The following AFG1L variants were observed in gnomAD, a reference collection of about 807,000 sequenced individuals.
The protein encoded by AFG1L is AFG1 like ATPase, also known as AFG1-like ATPase.
A neutral mutation model predicts 62.2 loss-of-function variants in AFG1L; 53 were observed. That is an observed-to-expected ratio of 0.85 (90% confidence interval 0.68 to 1.07). AFG1L has a LOEUF of 1.07. Ranked by LOEUF, AFG1L falls within the 50% of genes least tolerant of loss-of-function variation. AFG1L has a pLI of 0.00. For missense variants in AFG1L, 555 were observed against 590.5 expected, an observed-to-expected ratio of 0.94 and a Z score of 0.62; for synonymous variants, 228 against 210.3, an observed-to-expected ratio of 1.08 and a Z score of -0.73.
At position 108,356,811 on chromosome 6, in the gene AFG1L, T is replaced by C; in HGVS notation, c.639T>C (p.Asp213=). ...ISEEACLLCF[D]EFQVTDIADA... ...AAGAAGCATGTCTCCTATGTTTTGA[T>C]GAATTTCAGGTAAAGTAGAGATTTT... Residue 213 remains aspartate (D), a synonymous_variant, in exon 5 of 13, where the codon GAT becomes GAC. Transcript: ENST00000368977. 1.2e-6 allele frequency: 2 copies of C among 1,611,634 alleles called. No individual in the cohort carries two copies. Among genetic ancestry groups the C allele is most frequent in the Non-Finnish European group, 1.7e-6 (2 of 1,179,108 alleles).
In AFG1L at chr6:108,525,940, G is replaced by A. The variant is rs1007190024; in HGVS notation, c.*3515G>A. 6.6e-6 allele frequency: 1 copy of A among 152,224 alleles called. No individual in the cohort carries two copies. Among genetic ancestry groups the A allele is most frequent in the Admixed American group, 6.5e-5 (1 of 15,286 alleles). The allele number at this position is 152,224 out of a possible 1,614,324, so 9.4% of individuals were successfully genotyped here. On this transcript the variant is annotated 3_prime_UTR_variant, in exon 13 of 13. Transcript: ENST00000368977. ...GACATTTGGGTTCTTGATCAGTTAC[G>A]GGAATCTGTCTTGCAGCAAGTCTGT...
intron 3 of AFG1L, among the ~76,000 whole-genome samples, chr6:108,351,331 C>T (rs774032344): frequency 9.2e-5 from 14 of 152,188 alleles, no homozygotes; most frequent in Non-Finnish European, 1.9e-4. Context: ...TTTGGGACCA[C>T]CATTGTGTAT....
chr6:108,517,638 C>A (rs1392913770), intron 11 of AFG1L, among the ~76,000 whole-genome samples: 2 of 152,092 alleles, frequency 1.3e-5, no homozygotes, highest in Non-Finnish European at 2.9e-5. Flanking sequence ...GCAACAAAAG[C>A]CAAAATTGAC....
chr6:108,312,722 A>G (rs1777459627), intron 1 of AFG1L, among the ~76,000 whole-genome samples: 1 of 152,152 alleles, frequency 6.6e-6, no homozygotes, highest in Non-Finnish European at 1.5e-5. Context: ...GACATATGTC[A>G]AGATTAAGAT....
chr6:108,328,301 A>C (rs2114328270), intron 2 of AFG1L, among the ~76,000 whole-genome samples: 1 of 152,322 alleles, frequency 6.6e-6, no homozygotes, highest in East Asian at 1.9e-4. Flanking sequence ...TGTTGTACTC[A>C]ACTGGATATT....
intron 7 of AFG1L, among the ~76,000 whole-genome samples, chr6:108,405,793 C>G (rs1781826634): frequency 6.6e-6 from 1 of 152,182 alleles, no homozygotes; most frequent in Non-Finnish European, 1.5e-5. Context: ...CCATTGTCCC[C>G]CTTTCCCAAC....
intron 1 of AFG1L, among the ~76,000 whole-genome samples, chr6:108,312,964 G>GTCCA (rs1365889030): frequency 2.0e-5 from 3 of 152,292 alleles, no homozygotes; most frequent in South Asian, 4.1e-4. Flanking sequence ...AGATGCAGCA[G>GTCCA]TCCAGGTATC....
At chr6:108,504,459 C>T (rs920312205) in intron 10 of AFG1L, among the ~76,000 whole-genome samples, 2 of 152,128 alleles carry the variant, frequency 1.3e-5, no homozygotes, top group Non-Finnish European at 2.9e-5. Context: ...ATCAAGTCCA[C>T]CATCTTATAA....
rs1774595275 is a variant in AFG1L at position 108,510,317 on chromosome 6, T to C, written c.1168T>C (p.Phe390Leu). 6.2e-7 allele frequency: 1 copy of C among 1,611,768 alleles called. No individual in the cohort carries two copies. The highest frequency in any genetic ancestry group is 1.3e-5 in the African/African-American group (1 of 74,992). The change falls in exon 11 of 13, where the codon TTC becomes CTC. Residue 390 changes from phenylalanine (F) to leucine (L), a missense_variant. Coordinates refer to ENST00000368977, the MANE Select transcript of AFG1L (RefSeq NM_145315.5). ...TLANRTQGRR[F>L]ITLIDNFYDL... ...GGCAAACAGGACTCAAGGTCGAAGA[T>C]TCATAACTCTCATCGATAACTTTTA...
At chr6:108,352,969 A>G (rs993970967) in intron 3 of AFG1L, among the ~76,000 whole-genome samples, 1 of 152,144 alleles carries the variant, frequency 6.6e-6, no homozygotes, top group Admixed American at 6.5e-5. Context: ...TTTTATGTAT[A>G]TACCACTTTT....
intron 7 of AFG1L, among the ~76,000 whole-genome samples, chr6:108,434,141 A>G (rs1450721776): frequency 6.6e-6 from 1 of 152,230 alleles, no homozygotes; most frequent in Non-Finnish European, 1.5e-5. Flanking sequence ...GTTCTGACAC[A>G]TGTATATTGA....
chr6:108,405,327 A>C (rs367762640), intron 7 of AFG1L, among the ~76,000 whole-genome samples: 2 of 152,236 alleles, frequency 1.3e-5, no homozygotes. Context: ...ATTGTGGCAA[A>C]ATATACATAA....
chr6:108,368,064 T>A (rs1779833129), intron 6 of AFG1L, among the ~76,000 whole-genome samples: 2 of 152,188 alleles, frequency 1.3e-5, no homozygotes, highest in African/African-American at 4.8e-5. Flanking sequence ...TCATTCTATG[T>A]TTGTGTAGTG....
chr6:108,408,754 T>C (rs1781973343), intron 7 of AFG1L, among the ~76,000 whole-genome samples: 1 of 152,248 alleles, frequency 6.6e-6, no homozygotes, highest in Admixed American at 6.5e-5. Context: ...TTCCAATTAC[T>C]CTGCCTTGGC....
chr6:108,417,461 G>A (rs1301388723), intron 7 of AFG1L, among the ~76,000 whole-genome samples: 1 of 152,044 alleles, frequency 6.6e-6, no homozygotes, highest in Non-Finnish European at 1.5e-5. Context: ...CGTTTACCAT[G>A]CAGGGAAAAG....
chr6:108,522,235 C>T, intron 12 of AFG1L, 62 bp from the exon 13 acceptor site: 1 of 1,543,682 alleles, frequency 6.5e-7, no homozygotes, highest in South Asian at 1.1e-5. Context: ...TAAACCTATA[C>T]TTAGGTTCTG....
intron 7 of AFG1L, among the ~76,000 whole-genome samples, chr6:108,432,091 T>C (rs1771103175): frequency 6.6e-6 from 1 of 151,370 alleles, no homozygotes; most frequent in Non-Finnish European, 1.5e-5. Context: ...TTGAAAATAT[T>C]TTTAGTGACA....
chr6:108,329,282 G>T (rs999106116), intron 2 of AFG1L, among the ~76,000 whole-genome samples: 1 of 151,410 alleles, frequency 6.6e-6, no homozygotes, highest in Non-Finnish European at 1.5e-5. Context: ...TTTAAATAAA[G>T]ATTTTACTTA....
At chr6:108,501,897 G>GC (rs947755947) in intron 10 of AFG1L, among the ~76,000 whole-genome samples, 2 of 152,166 alleles carry the variant, frequency 1.3e-5, no homozygotes, top group African/African-American at 4.8e-5. Flanking sequence ...TATTAAGTGT[G>GC]CAATAGCATT....
Sources: gnomAD v4.1 joint callset for allele counts (sites outside exome capture counted in the v4.1 genomes callset) on GRCh38, gnomAD v4.1.1 for gene constraint, MANE v1.5 for transcripts, NCBI Gene and HGNC (gene_info 2026-07-23, HGNC 2026-07-21) for gene names.